Variants in HECW1 observed in about 807,000 individuals in gnomAD.
The protein encoded by HECW1 is E3 ubiquitin-protein ligase HECW1.
HECW1 carries 61 observed loss-of-function variants against 182.3 expected under a neutral mutation model. That is an observed-to-expected ratio of 0.33 (90% CI 0.27 to 0.41). The LOEUF is 0.41. Among genes scored for constraint, HECW1 ranks in the 10% least tolerant of loss-of-function variants. The probability of loss-of-function intolerance (pLI) is 1.00; values close to 1 mark genes in which losing one functional copy is unlikely to be tolerated. For missense variants in HECW1, 1,739 were observed against 2,108.9 expected (o/e 0.82, Z 3.44); for synonymous variants, 859 against 832.6 (o/e 1.03, Z -0.55).
At chr7:43,540,492 A>G (rs1206580818) in intron 24 of HECW1, among the ~76,000 whole-genome samples, 1 of 152,218 alleles carries the variant, frequency 6.6e-6, no homozygotes, top group African/African-American at 2.4e-5. Flanking sequence ...TCAGGAAGTC[A>G]ATGCTCCGAC....
intron 26 of HECW1, among the ~76,000 whole-genome samples, chr7:43,546,219 CTTTT>C (rs34255651): frequency 2.2e-5 from 2 of 91,872 alleles, no homozygotes; most frequent in Non-Finnish European, 4.2e-5. Flanking sequence ...TACCCCCAAC[CTTTT>C]TTTTTTTTTT....
At chr7:43,528,249 A>T (rs149161588) in intron 24 of HECW1, among the ~76,000 whole-genome samples, 2 of 152,336 alleles carry the variant, frequency 1.3e-5, no homozygotes, top group South Asian at 2.1e-4. Context: ...AGGAGAAATC[A>T]TGCTTTAGAG....
At chr7:43,379,735 C>A (rs115096753) in intron 6 of HECW1, among the ~76,000 whole-genome samples, 1 of 152,134 alleles carries the variant, frequency 6.6e-6, no homozygotes, top group Admixed American at 6.5e-5. Flanking sequence ...TCCCTCCCCC[C>A]ATTTAGATCG....
At chr7:43,197,047 T>G (rs1794522742) in intron 2 of HECW1, among the ~76,000 whole-genome samples, 1 of 152,084 alleles carries the variant, frequency 6.6e-6, no homozygotes, top group Non-Finnish European at 1.5e-5. Flanking sequence ...TCCAATAAAT[T>G]AAATTCTTAA....
At chr7:43,149,832 A>T (rs1000865335) in intron 2 of HECW1, among the ~76,000 whole-genome samples, 3 of 152,128 alleles carry the variant, frequency 2.0e-5, no homozygotes, top group Non-Finnish European at 4.4e-5. Context: ...ATATTGCATG[A>T]TTTGCAAATA....
intron 24 of HECW1, among the ~76,000 whole-genome samples, chr7:43,516,007 T>A (rs2152934050): frequency 6.6e-6 from 1 of 152,352 alleles, no homozygotes; most frequent in African/African-American, 2.4e-5. Flanking sequence ...ACATTTAAGT[T>A]CAAACATTCC....
chr7:43,448,304 C>A (rs544863078), intron 11 of HECW1, among the ~76,000 whole-genome samples: 5 of 152,278 alleles, frequency 3.3e-5, no homozygotes, highest in African/African-American at 1.2e-4. Context: ...TGCTTTATTT[C>A]CCTCTATAAA....
chr7:43,198,087 ACACT>A (rs757026583), intron 2 of HECW1, among the ~76,000 whole-genome samples: 22 of 150,164 alleles, frequency 1.5e-4, no homozygotes, highest in South Asian at 4.2e-4. Flanking sequence ...TACACACCAC[ACACT>A]CACATTCACA....
At chr7:43,348,126 G>A (rs1813926582) in intron 5 of HECW1, among the ~76,000 whole-genome samples, 1 of 152,128 alleles carries the variant, frequency 6.6e-6, no homozygotes, top group African/African-American at 2.4e-5. Flanking sequence ...GAATTTTGCT[G>A]TGAATCTGTC....
chr7:43,331,100 A>T (rs1811411622), intron 5 of HECW1, among the ~76,000 whole-genome samples: 2 of 151,986 alleles, frequency 1.3e-5, no homozygotes, highest in Non-Finnish European at 2.9e-5. Flanking sequence ...CTCGTCGTTT[A>T]CATTAGGTAT....
intron 17 of HECW1, among the ~76,000 whole-genome samples, chr7:43,485,977 T>C (rs1194626548): frequency 6.6e-6 from 1 of 152,160 alleles, no homozygotes; most frequent in Admixed American, 6.5e-5. Context: ...TCATTTACAT[T>C]AGGTATTTCT....
chr7:43,410,004 C>T (rs1042086304), intron 8 of HECW1, among the ~76,000 whole-genome samples: 1 of 152,168 alleles, frequency 6.6e-6, no homozygotes, highest in East Asian at 1.9e-4. Context: ...GTGATCCAGG[C>T]GGTGCCGCTG....
At chr7:43,492,240 TTTTG>T (rs2078960605) in intron 18 of HECW1, 60 bp downstream of exon 18, 2 of 1,213,120 alleles carry the variant, frequency 1.6e-6, no homozygotes, top group East Asian at 4.8e-5. Flanking sequence ...AGACTTGATT[TTTTG>T]TTTGTTTTTC....
intron 3 of HECW1, among the ~76,000 whole-genome samples, chr7:43,278,189 C>T (rs1803416816): frequency 6.6e-6 from 1 of 152,144 alleles, no homozygotes; most frequent in South Asian, 2.1e-4. Context: ...GCATCTCAAA[C>T]TTAAAATATT....
At chr7:43,487,800 ATTT>A (rs953961426) in intron 17 of HECW1, among the ~76,000 whole-genome samples, 1 of 151,984 alleles carries the variant, frequency 6.6e-6, no homozygotes, top group African/African-American at 2.4e-5. Flanking sequence ...CTACAAAAAC[ATTT>A]TTAAAATTAG....
chr7:43,388,036 A>G (rs1195818999), intron 6 of HECW1, among the ~76,000 whole-genome samples: 1 of 152,206 alleles, frequency 6.6e-6, no homozygotes, highest in African/African-American at 2.4e-5. Flanking sequence ...TATGATCTCC[A>G]TTTGATGCAA....
At chr7:43,334,701 G>T (rs1288660885) in intron 5 of HECW1, among the ~76,000 whole-genome samples, 1 of 152,200 alleles carries the variant, frequency 6.6e-6, no homozygotes, top group South Asian at 2.1e-4. Context: ...TAGAATGAAT[G>T]TCAGTCTCTT....
Position 43,442,813 on chromosome 7 carries a change from G to A in HECW1, c.1045+184G>A, listed in dbSNP as rs144969541. ...GCCAGGTTGCTGTCCCCCTGATAGA[G>A]AAGCTCCTCTTCATTCTAGTGACCC... is the stretch of plus-strand genomic sequence containing the variant. On this transcript the variant is annotated intron_variant, in intron 10 of 29. Transcript: ENST00000395891. Among the ~76,000 whole-genome samples, 860 of 152,316 alleles carry A rather than the reference G, an allele frequency of 5.6e-3. 11 individuals are homozygous for A. The highest frequency in any genetic ancestry group is 0.02 in the African/African-American group (824 of 41,572).
chr7:43,259,161 G>C (rs147183027), intron 3 of HECW1, among the ~76,000 whole-genome samples: 1 of 152,114 alleles, frequency 6.6e-6, no homozygotes, highest in Non-Finnish European at 1.5e-5. Context: ...CAGAGGAGGG[G>C]GGATCACCTA....
Sources: allele counts gnomAD v4.1 joint callset (sites outside exome capture counted in the v4.1 genomes callset), GRCh38; gene constraint gnomAD v4.1.1; transcripts MANE v1.5; gene names NCBI Gene and HGNC (gene_info 2026-07-23, HGNC 2026-07-21).